CPA6: variants seen among roughly 807,000 people sequenced by gnomAD.
CPA6 encodes the protein carboxypeptidase A6.
CPA6 carries 58 observed loss-of-function variants against 63.3 expected under a neutral mutation model. That is an observed-to-expected ratio of 0.92 (90% confidence interval 0.74 to 1.14). The LOEUF is 1.14. CPA6 is among the 50% of genes most tolerant of loss of function. The pLI is 0.00. For missense variants in CPA6, 565 were observed against 526.6 expected (o/e 1.07, Z -0.71); for synonymous variants, 185 against 179.0 (o/e 1.03, Z -0.27).
At chr8:67,580,771 G>GAA (rs1813750459) in intron 2 of CPA6, among the ~76,000 whole-genome samples, 2 of 152,172 alleles carry the variant, frequency 1.3e-5, no homozygotes, top group African/African-American at 4.8e-5. Context: ...ATCAGGCTCT[G>GAA]ACCATGCTGA....
intron 1 of CPA6, among the ~76,000 whole-genome samples, chr8:67,699,184 G>A (rs932184433): frequency 3.3e-5 from 5 of 152,176 alleles, no homozygotes; most frequent in African/African-American, 4.8e-5. Flanking sequence ...TTGGGAGGCC[G>A]AGATGGGTGG....
At chr8:67,741,670 G>A (rs1163327854) in intron 1 of CPA6, among the ~76,000 whole-genome samples, 2 of 152,176 alleles carry the variant, frequency 1.3e-5, no homozygotes, top group Non-Finnish European at 2.9e-5. Context: ...TAGGTTGCAT[G>A]TTCCTTATAA....
chr8:67,704,722 T>A (rs1163877218), intron 1 of CPA6, among the ~76,000 whole-genome samples: 1 of 152,194 alleles, frequency 6.6e-6, no homozygotes. Flanking sequence ...TAAGACTGGT[T>A]CATTCTAGAA....
chr8:67,643,792 A>C (rs147850072), intron 1 of CPA6, among the ~76,000 whole-genome samples: 29 of 152,356 alleles, frequency 1.9e-4, no homozygotes, highest in African/African-American at 3.4e-4. Flanking sequence ...AAGAGAAAGA[A>C]TGACCTAGTA....
intron 6 of CPA6, among the ~76,000 whole-genome samples, chr8:67,500,646 T>G (rs1438489893): frequency 1.3e-5 from 2 of 152,142 alleles, no homozygotes; most frequent in Non-Finnish European, 2.9e-5. Context: ...TCTATGCTTT[T>G]TTCCCCTAAA....
At chr8:67,658,946 A>G (rs1213138725) in intron 1 of CPA6, among the ~76,000 whole-genome samples, 2 of 152,096 alleles carry the variant, frequency 1.3e-5, no homozygotes, top group African/African-American at 4.8e-5. Context: ...GGTCTCTCTG[A>G]TATCATCTTG....
At chr8:67,633,693 A>AT (rs1815398286) in intron 1 of CPA6, among the ~76,000 whole-genome samples, 1 of 151,940 alleles carries the variant, frequency 6.6e-6, no homozygotes, top group South Asian at 2.1e-4. Context: ...AAAAAAAAAA[A>AT]AAAAATCAAT....
At chr8:67,713,685 T>A (rs1157000538) in intron 1 of CPA6, among the ~76,000 whole-genome samples, 3 of 152,236 alleles carry the variant, frequency 2.0e-5, no homozygotes, top group Admixed American at 2.0e-4. Context: ...CAGATTATAA[T>A]TGCAGTTTCC....
intron 3 of CPA6, among the ~76,000 whole-genome samples, chr8:67,515,429 G>T (rs763682909): frequency 6.6e-6 from 1 of 151,996 alleles, no homozygotes; most frequent in Non-Finnish European, 1.5e-5. Flanking sequence ...TATTCTTGCC[G>T]CATCAGACAT....
intron 1 of CPA6, among the ~76,000 whole-genome samples, chr8:67,654,528 C>T (rs965654204): frequency 1.3e-4 from 20 of 152,164 alleles, no homozygotes; most frequent in African/African-American, 4.1e-4. Context: ...AGTTTATTTG[C>T]GTAGAGGTGT....
At chr8:67,500,070 A>G (rs959842328) in intron 6 of CPA6, among the ~76,000 whole-genome samples, 1 of 152,224 alleles carries the variant, frequency 6.6e-6, no homozygotes, top group Non-Finnish European at 1.5e-5. Context: ...AGAGACTGCC[A>G]ACTGTTTTCA....
intron 2 of CPA6, among the ~76,000 whole-genome samples, chr8:67,560,160 G>GATATATAT (rs6150633): frequency 0.013 from 1,767 of 139,900 alleles, 29 homozygotes; most frequent in South Asian, 0.043. Flanking sequence ...TGTATTTCCG[G>GATATATAT]ATATATATAT....
intron 1 of CPA6, among the ~76,000 whole-genome samples, chr8:67,736,113 G>A (rs1330712855): frequency 6.6e-6 from 1 of 152,082 alleles, no homozygotes; most frequent in Non-Finnish European, 1.5e-5. Context: ...ACAGAGAAAG[G>A]AGAGGCAAAC....
At chr8:67,510,618 A>T (rs1342233598) in intron 4 of CPA6, among the ~76,000 whole-genome samples, 2 of 152,190 alleles carry the variant, frequency 1.3e-5, no homozygotes, top group Non-Finnish European at 2.9e-5. Context: ...TATCAAGAGA[A>T]CCAAAAACCG....
chr8:67,618,014 T>A (rs998924889), intron 2 of CPA6, among the ~76,000 whole-genome samples: 8 of 152,224 alleles, frequency 5.3e-5, no homozygotes, highest in African/African-American at 1.9e-4. Context: ...AAGGGCTCAC[T>A]TGATTAGATC....
At chr8:67,476,301 C>T (rs1811235798) in intron 8 of CPA6, among the ~76,000 whole-genome samples, 1 of 152,058 alleles carries the variant, frequency 6.6e-6, no homozygotes, top group South Asian at 2.1e-4. Flanking sequence ...ACATGCCCGC[C>T]CCAAAGTAGG....
chr8:67,478,836 A>G (rs1811297716), intron 8 of CPA6, among the ~76,000 whole-genome samples: 1 of 152,126 alleles, frequency 6.6e-6, no homozygotes, highest in Admixed American at 6.5e-5. Context: ...TAGGAGTTCG[A>G]GACCAGCCTG....
chr8:67,650,432 A>G (rs559987190), intron 1 of CPA6, among the ~76,000 whole-genome samples: 2 of 152,252 alleles, frequency 1.3e-5, no homozygotes, highest in East Asian at 3.9e-4. Context: ...TTACTGTCAC[A>G]AAAGGGCAGC....
chr8:67,602,762 T>C (rs1235519920), intron 2 of CPA6, among the ~76,000 whole-genome samples: 2 of 152,202 alleles, frequency 1.3e-5, no homozygotes, highest in African/African-American at 4.8e-5. Flanking sequence ...CAGGAAATTA[T>C]AGCTTCATTT....
Sources: gnomAD v4.1 joint callset for allele counts (sites outside exome capture counted in the v4.1 genomes callset) on GRCh38, gnomAD v4.1.1 for gene constraint, MANE v1.5 for transcripts, NCBI Gene and HGNC (gene_info 2026-07-23, HGNC 2026-07-21) for gene names.